The following AFF3 variants were observed in gnomAD, a reference collection of about 807,000 sequenced individuals.
AFF3 encodes AF4/FMR2 family member 3.
Under a neutral mutation model 129.7 loss-of-function variants are expected in AFF3, and 32 were observed. That is an observed-to-expected ratio of 0.25 (90% CI 0.19 to 0.33). The LOEUF (loss-of-function observed/expected upper bound fraction) is 0.33, where lower values mean the gene tolerates loss of function less well. Ranked by LOEUF, AFF3 falls within the 10% of genes least tolerant of loss-of-function variation. AFF3 has a pLI of 1.00. For synonymous variants in AFF3, 644 were observed against 635.4 expected (o/e 1.01, Z -0.20); for missense variants, 1,373 against 1,592.0 (o/e 0.86, Z 2.34).
At chr2:99,757,682 T>C (rs1682235302) in intron 8 of AFF3, among the ~76,000 whole-genome samples, 1 of 152,184 alleles carries the variant, frequency 6.6e-6, no homozygotes, top group African/African-American at 2.4e-5. Context: ...AGACCTTGTA[T>C]ATTCTAGCCA....
intron 7 of AFF3, among the ~76,000 whole-genome samples, chr2:99,916,373 C>G (rs965337968): frequency 6.6e-6 from 1 of 152,182 alleles, no homozygotes; most frequent in Non-Finnish European, 1.5e-5. Context: ...CAAAGTTACG[C>G]ATTTTTTATT....
At chr2:99,629,339 A>G (rs1373656899) in intron 13 of AFF3, among the ~76,000 whole-genome samples, 1 of 152,222 alleles carries the variant, frequency 6.6e-6, no homozygotes, top group Admixed American at 6.5e-5. Flanking sequence ...GACATACAAA[A>G]ATCACTAGCA....
intron 8 of AFF3, among the ~76,000 whole-genome samples, chr2:99,771,413 G>GAAAAAAAA (rs11324032): frequency 1.4e-5 from 2 of 142,176 alleles, no homozygotes; most frequent in Non-Finnish European, 3.1e-5. Context: ...AAATGAAGAA[G>GAAAAAAAA]AAAAAAAAAA....
intron 7 of AFF3, among the ~76,000 whole-genome samples, chr2:99,980,868 T>C (rs528752449): frequency 6.6e-6 from 1 of 152,354 alleles, no homozygotes; most frequent in Admixed American, 6.5e-5. Flanking sequence ...TAGCTCATAA[T>C]GCCACCAATC....
chr2:99,866,894 T>G (rs1267111475), intron 7 of AFF3, among the ~76,000 whole-genome samples: 2 of 150,332 alleles, frequency 1.3e-5, no homozygotes, highest in Non-Finnish European at 1.5e-5. Context: ...GAGAATCACT[T>G]GAACTGGGGA....
chr2:99,710,152 C>T (rs1307580426), intron 11 of AFF3, among the ~76,000 whole-genome samples: 1 of 152,168 alleles, frequency 6.6e-6, no homozygotes, highest in Non-Finnish European at 1.5e-5. Flanking sequence ...ATAGGGTGAT[C>T]CTATGTTTCA....
At chr2:99,563,361 T>C (rs1255773507) in intron 20 of AFF3, among the ~76,000 whole-genome samples, 2 of 151,632 alleles carry the variant, frequency 1.3e-5, no homozygotes, top group African/African-American at 4.8e-5. Context: ...CGGCTAATTT[T>C]TTGTATTTTT....
chr2:99,741,876 T>A (rs1247896157), intron 10 of AFF3, among the ~76,000 whole-genome samples: 1 of 152,204 alleles, frequency 6.6e-6, no homozygotes, highest in Non-Finnish European at 1.5e-5. Flanking sequence ...ACAGAGTATT[T>A]CTCCATTTCT....
chr2:99,826,204 G>A (rs1034168171), intron 8 of AFF3, among the ~76,000 whole-genome samples: 10 of 151,914 alleles, frequency 6.6e-5, no homozygotes, highest in Admixed American at 2.0e-4. Context: ...TAGTAGTGAC[G>A]GGGTTTCACC....
In AFF3 at chr2:99,546,687, C is replaced by T. The variant is rs1339985364; in HGVS notation, c.*4787G>A. On this transcript the variant is annotated 3_prime_UTR_variant, in exon 25 of 25. Transcript: ENST00000672756. ...GGATGCTTCATGTCAAGCCACTGGT[C>T]TAATGCCTCCGTCTTCTTTAGTTCA... The T allele has an allele frequency of 1.3e-5, 3 of 229,626 alleles. No homozygotes were observed. The East Asian group carries it at 1.9e-4, about 14-fold the overall frequency. 14.2% of individuals were successfully genotyped at this position (229,626 alleles called of 1,614,324 possible).
chr2:99,556,428 C>T (rs879703142), intron 22 of AFF3, among the ~76,000 whole-genome samples: 4 of 151,834 alleles, frequency 2.6e-5, no homozygotes, highest in South Asian at 2.1e-4. Context: ...GGTGACGGAG[C>T]GAGACTCCGT....
intron 7 of AFF3, among the ~76,000 whole-genome samples, chr2:99,917,108 G>C (rs1695523811): frequency 6.6e-6 from 1 of 152,172 alleles, no homozygotes; most frequent in Admixed American, 6.5e-5. Context: ...GCTGGGTCCT[G>C]GCAGATAAGG....
At chr2:99,740,131 A>C (rs1223645435) in intron 10 of AFF3, among the ~76,000 whole-genome samples, 1 of 151,722 alleles carries the variant, frequency 6.6e-6, no homozygotes, top group Non-Finnish European at 1.5e-5. Context: ...GTCCCTACAA[A>C]GGACGTGAAC....
intron 7 of AFF3, among the ~76,000 whole-genome samples, chr2:99,877,066 A>G (rs1286397253): frequency 6.6e-6 from 1 of 152,210 alleles, no homozygotes; most frequent in African/African-American, 2.4e-5. Flanking sequence ...GAAGATAAGA[A>G]GGTCTAACCT....
At chr2:99,835,408 C>A (rs373925326) in intron 8 of AFF3, among the ~76,000 whole-genome samples, 1 of 152,014 alleles carries the variant, frequency 6.6e-6, no homozygotes, top group Non-Finnish European at 1.5e-5. Flanking sequence ...ATACTATGGG[C>A]GGTAACCAAG....
intron 11 of AFF3, among the ~76,000 whole-genome samples, chr2:99,686,694 G>A (rs1024456307): frequency 3.9e-5 from 6 of 152,290 alleles, no homozygotes; most frequent in African/African-American, 7.2e-5. Flanking sequence ...AAGGTACAGC[G>A]GTAGCCCCCA....
intron 4 of AFF3, among the ~76,000 whole-genome samples, chr2:100,071,406 T>C (rs961171912): frequency 2.0e-5 from 3 of 152,278 alleles, no homozygotes; most frequent in African/African-American, 7.2e-5. Context: ...AAAACATGAA[T>C]TGTGAAATAT....
At chr2:99,947,601 A>AAGATAGATAGAT (rs70940190) in intron 7 of AFF3, among the ~76,000 whole-genome samples, 15 of 136,596 alleles carry the variant, frequency 1.1e-4, no homozygotes, top group South Asian at 2.4e-4. Context: ...GAAAGAAAGA[A>AAGATAGATAGAT]AGATAGATAG....
rs764114980 is a variant in AFF3 at position 100,006,969 on chromosome 2, T to C, written c.536A>G (p.Gln179Arg). 3 of 1,613,856 alleles carry C rather than the reference T, an allele frequency of 1.9e-6. No homozygotes were observed. In the South Asian group the frequency reaches 3.3e-5, roughly 18 times the overall value. ...RTLLGDGVGRQQPRAKQVCNV... is the reference protein window; with the variant it reads ...RTLLGDGVGRRQPRAKQVCNV... ...GCACACTTGTTTGGCCCGAGGCTGC[T>C]GTCTGCCAACACCATCTCCAAGCAA... The change falls in exon 7 of 25, where the codon CAG becomes CGG. Residue 179 changes from glutamine (Q) to arginine (R), a missense_variant. Gln to Arg is a conservative substitution (Grantham distance 43). Around this residue, in one of 9 missense-constraint regions of AFF3, gnomAD observed 255 missense variants for 256.0 expected, o/e 1.00. Transcript: ENST00000672756.
Sources: gnomAD v4.1 joint callset for allele counts (sites outside exome capture counted in the v4.1 genomes callset) on GRCh38, gnomAD v4.1.1 for gene constraint, gnomAD v4.1.1 regional missense constraint, MANE v1.5 for transcripts, NCBI Gene and HGNC (gene_info 2026-07-23, HGNC 2026-07-21) for gene names.